Variants in GORAB observed in about 807,000 individuals in gnomAD.
GORAB encodes the protein RAB6-interacting golgin.
In GORAB, 17 loss-of-function variants were observed where a neutral mutation model predicts 29.9. That is an observed-to-expected ratio of 0.57 (90% CI 0.39 to 0.85). The LOEUF (loss-of-function observed/expected upper bound fraction) is 0.85. Ranked by LOEUF, GORAB falls within the 40% of genes least tolerant of loss-of-function variation. GORAB has a pLI of 0.00. For synonymous variants in GORAB, 183 were observed against 157.2 expected (o/e 1.16, Z -1.23); for missense variants, 442 against 437.8 (o/e 1.01, Z -0.09).
At chr1:170,551,780 C>G (rs946885933) in intron 4 of GORAB, among the ~76,000 whole-genome samples, 2 of 152,130 alleles carry the variant, frequency 1.3e-5, no homozygotes, top group Non-Finnish European at 2.9e-5. Context: ...AGAAAACATT[C>G]GTGCAGAATA....
Position 170,532,279 on chromosome 1 carries a change from C to A in GORAB, c.56C>A (p.Thr19Asn). ...GAGGAACTGAGGAGACTAAAGCAGA[C>A]TAAAGGTTACAAGATGGGTTTACAG... is the stretch of plus-strand genomic sequence containing the variant. ...SEEELRRLKQTKDPFEPQRRL... is the reference protein window; with the variant it reads ...SEEELRRLKQNKDPFEPQRRL... Residue 19 changes from threonine to asparagine, a missense_variant, in exon 1 of 5, where the codon ACT becomes AAT. Coordinates refer to ENST00000367763, the MANE Select transcript of GORAB (RefSeq NM_152281.3). 6.2e-7 allele frequency: 1 copy of A among 1,614,030 alleles called. No individual in the cohort carries two copies. Among genetic ancestry groups the A allele is most frequent in the African/African-American group, 1.3e-5 (1 of 75,030 alleles).
rs1455930107 is a variant in GORAB at position 170,532,184 on chromosome 1, G to A, written c.-40G>A. 5.0e-6 allele frequency: 8 copies of A among 1,613,794 alleles called. No homozygotes were observed. Among genetic ancestry groups the A allele is most frequent in the African/African-American group, 1.3e-5 (1 of 75,038 alleles). ...CAGCAGTGTTGGCAGTCGCGGCTGCGAGATTTGGGCACTTTTGGGGGTGCC... is the reference window on the plus strand; with the variant it reads ...CAGCAGTGTTGGCAGTCGCGGCTGCAAGATTTGGGCACTTTTGGGGGTGCC... On this transcript the variant is annotated 5_prime_UTR_variant, in exon 1 of 5. Transcript: ENST00000367763.
intron 2 of GORAB, 127 bp downstream of exon 2, chr1:170,539,694 A>G (rs1254084145): frequency 1.0e-6 from 1 of 996,220 alleles, no homozygotes; most frequent in Non-Finnish European, 1.5e-6. Flanking sequence ...CAATCATAGG[A>G]ATGTGATGTA....
chr1:170,538,889 G>A (rs1649216247), intron 1 of GORAB, among the ~76,000 whole-genome samples: 1 of 152,146 alleles, frequency 6.6e-6, no homozygotes, highest in Non-Finnish European at 1.5e-5. Context: ...GTCAAAATTA[G>A]TTGCTTTCTT....
chr1:170,536,648 C>T (rs1427259720), intron 1 of GORAB, among the ~76,000 whole-genome samples: 8 of 152,072 alleles, frequency 5.3e-5, no homozygotes, highest in Non-Finnish European at 1.2e-4. Flanking sequence ...TTGAAATTTA[C>T]AAAAGCAAAA....
chr1:170,553,525 T>TA lies in GORAB; in HGVS notation c.*1063_*1064insA, dbSNP rs765446386. On this transcript the variant is annotated 3_prime_UTR_variant, in exon 5 of 5. Transcript: ENST00000367763. ...TATTACCTTTGAGGACTTTTTTTTT[T>TA]TAAAAAAAGAATTATTATCAGAGAA... 3.0e-5 allele frequency: 13 copies of TA among 427,614 alleles called. No individual in the cohort carries two copies. The highest frequency in any genetic ancestry group is 6.2e-5 in the African/African-American group (3 of 48,008). 26.5% of individuals were successfully genotyped at this position (427,614 alleles called of 1,614,324 possible).
intron 4 of GORAB, among the ~76,000 whole-genome samples, chr1:170,550,257 G>A (rs1650027949): frequency 6.6e-6 from 1 of 152,212 alleles, no homozygotes. Context: ...GACACTAAGA[G>A]TTCTGTTTAA....
Position 170,534,139 on chromosome 1 carries a change from A to T in GORAB, c.61+1855A>T, listed in dbSNP as rs1648897429. Reference sequence around the variant, plus strand: ...AATATTAAGAAGTTGGAAACAACCAAAGTGTCCATTAACAAGGGAATGGAT... The same window carrying T: ...AATATTAAGAAGTTGGAAACAACCATAGTGTCCATTAACAAGGGAATGGAT... On this transcript the variant is annotated intron_variant, in intron 1 of 4. Transcript: ENST00000367763. Among the ~76,000 whole-genome samples the T allele has an allele frequency of 2.0e-5, 3 of 152,234 alleles. No individual in the cohort carries two copies. The South Asian group carries it at 6.2e-4, about 31-fold the overall frequency.
intron 4 of GORAB, chr1:170,545,578 C>G: frequency 1.0e-6 from 1 of 985,278 alleles, no homozygotes; most frequent in Non-Finnish European, 1.2e-6. Context: ...TCAGCCCTTT[C>G]AACATTGCTT....
At chr1:170,538,115 C>T (rs575287241) in intron 1 of GORAB, among the ~76,000 whole-genome samples, 2 of 152,292 alleles carry the variant, frequency 1.3e-5, no homozygotes, top group Admixed American at 1.3e-4. Flanking sequence ...CTTACACCAA[C>T]TTCATGCATT....
chr1:170,542,139 T>A (rs1372933509), intron 2 of GORAB, among the ~76,000 whole-genome samples: 1 of 152,208 alleles, frequency 6.6e-6, no homozygotes, highest in African/African-American at 2.4e-5. Flanking sequence ...TTTTTATTAA[T>A]CTCCATTCTG....
At chr1:170,551,580 T>G (rs1650105273) in intron 4 of GORAB, among the ~76,000 whole-genome samples, 1 of 152,212 alleles carries the variant, frequency 6.6e-6, no homozygotes, top group South Asian at 2.1e-4. Context: ...TTCATGTGGA[T>G]TTTGTGTATC....
intron 4 of GORAB, among the ~76,000 whole-genome samples, chr1:170,550,839 A>G (rs938546833): frequency 6.6e-6 from 1 of 152,216 alleles, no homozygotes; most frequent in African/African-American, 2.4e-5. Flanking sequence ...TTTTCTTGCA[A>G]GAGAGGAAGG....
chr1:170,547,160 G>A (rs1038758710), intron 4 of GORAB, among the ~76,000 whole-genome samples: 11 of 152,264 alleles, frequency 7.2e-5, no homozygotes, highest in South Asian at 4.1e-4. Flanking sequence ...TTATGGTCCA[G>A]ATTTGAAGTG....
Position 170,553,457 on chromosome 1 carries a change from A to T in GORAB, c.*995A>T, listed in dbSNP as rs781464594. ...TAATTTTCTCACAAAGTCTGTGAAT[A>T]TCACATTATGATTTATTTATCAGAA... is the stretch of plus-strand genomic sequence containing the variant. On this transcript the variant is annotated 3_prime_UTR_variant, in exon 5 of 5. Coordinates refer to ENST00000367763, the MANE Select transcript of GORAB (RefSeq NM_152281.3). 5 of 442,430 alleles carry T rather than the reference A, an allele frequency of 1.1e-5. No individual in the cohort carries two copies. The East Asian group carries it at 3.5e-4, about 31-fold the overall frequency. 27.4% of individuals were successfully genotyped at this position (442,430 alleles called of 1,614,324 possible). A position where few individuals can be genotyped will look rare whatever the true frequency, so the allele number is the denominator to read the frequency against.
chr1:170,538,353 G>A (rs1462911471), intron 1 of GORAB, among the ~76,000 whole-genome samples: 1 of 152,174 alleles, frequency 6.6e-6, no homozygotes, highest in Non-Finnish European at 1.5e-5. Context: ...TACAAGAACT[G>A]ATAACTTCAC....
chr1:170,532,427 G>A, intron 1 of GORAB, 143 bp downstream of exon 1: 2 of 871,898 alleles, frequency 2.3e-6, no homozygotes, highest in South Asian at 1.4e-5. Context: ...CTGGATTAGG[G>A]GGTTTCAGAG....
intron 1 of GORAB, among the ~76,000 whole-genome samples, chr1:170,535,914 TAAG>T (rs1343221985): frequency 6.6e-6 from 1 of 152,118 alleles, no homozygotes; most frequent in Non-Finnish European, 1.5e-5. Context: ...TTCCATGTCT[TAAG>T]AAATTAGTTT....
intron 1 of GORAB, among the ~76,000 whole-genome samples, chr1:170,538,707 C>G (rs1042160389): frequency 6.6e-6 from 1 of 152,144 alleles, no homozygotes; most frequent in African/African-American, 2.4e-5. Context: ...AATTACATGC[C>G]TGTTATAGCA....
Sources: gnomAD v4.1 joint callset for allele counts (sites outside exome capture counted in the v4.1 genomes callset) on GRCh38, gnomAD v4.1.1 for gene constraint, MANE v1.5 for transcripts, NCBI Gene and HGNC (gene_info 2026-07-23, HGNC 2026-07-21) for gene names.